The following PLXDC2 variants were observed in gnomAD, a reference collection of about 807,000 sequenced individuals.
PLXDC2 encodes the protein plexin domain containing 2.
A neutral mutation model predicts 68.9 loss-of-function variants in PLXDC2; 40 were observed. The ratio of observed to expected loss-of-function variants is 0.58; its 90% CI spans 0.45 to 0.76. The LOEUF (loss-of-function observed/expected upper bound fraction) is 0.76, where lower values mean the gene tolerates loss of function less well. PLXDC2 is among the 30% of genes least tolerant of loss of function. The probability of loss-of-function intolerance (pLI) is 0.00; values close to 1 mark genes in which losing one functional copy is unlikely to be tolerated. For synonymous variants in PLXDC2, 243 were observed against 234.2 expected, an observed-to-expected ratio of 1.04 and a Z score of -0.34; for missense variants, 644 against 661.9, an observed-to-expected ratio of 0.97 and a Z score of 0.30.
At chr10:20,066,832 A>T (rs1836219925) in intron 3 of PLXDC2, among the ~76,000 whole-genome samples, 1 of 152,196 alleles carries the variant, frequency 6.6e-6, no homozygotes, top group African/African-American at 2.4e-5. Flanking sequence ...TCTACATTAA[A>T]AATTTGTGTA....
chr10:19,863,076 G>A lies in PLXDC2; in HGVS notation c.112+45885G>A, dbSNP rs533649246. Among the ~76,000 whole-genome samples the A allele has an allele frequency of 2.0e-5, 3 of 152,306 alleles. No homozygotes were observed. In the East Asian group the frequency reaches 5.8e-4, roughly 29 times the overall value. ...TTATTTTTAGAGGGTAAGAGGAGGT[G>A]ATTTTAATCTTTACCATGTAAAATG... On this transcript the variant is annotated intron_variant, in intron 1 of 13. Coordinates refer to ENST00000377252, the MANE Select transcript of PLXDC2 (RefSeq NM_032812.9).
chr10:19,993,168 T>C (rs1834778695), intron 1 of PLXDC2, among the ~76,000 whole-genome samples: 1 of 152,220 alleles, frequency 6.6e-6, no homozygotes, highest in Non-Finnish European at 1.5e-5. Context: ...AAAACAACTT[T>C]GTTTTATAAT....
At chr10:19,969,874 C>G (rs1350209986) in intron 1 of PLXDC2, among the ~76,000 whole-genome samples, 1 of 152,114 alleles carries the variant, frequency 6.6e-6, no homozygotes, top group Non-Finnish European at 1.5e-5. Context: ...AAAATAAATG[C>G]TATGTGAAAT....
chr10:20,212,431 C>A (rs1044108542), intron 10 of PLXDC2, among the ~76,000 whole-genome samples: 3 of 152,002 alleles, frequency 2.0e-5, no homozygotes, highest in Non-Finnish European at 4.4e-5. Context: ...AATTTTAACC[C>A]GTTTAAAAGC....
chr10:19,930,943 G>A (rs1033104424), intron 1 of PLXDC2, among the ~76,000 whole-genome samples: 3 of 152,242 alleles, frequency 2.0e-5, no homozygotes, highest in South Asian at 2.1e-4. Context: ...CAGCCTGGGC[G>A]ACAGAGAGAG....
At chr10:20,194,985 C>T (rs1307164149) in intron 9 of PLXDC2, among the ~76,000 whole-genome samples, 1 of 151,826 alleles carries the variant, frequency 6.6e-6, no homozygotes. Flanking sequence ...TTTAAGTGGG[C>T]TCATAGTGCT....
At chr10:20,258,736 G>A (rs1426341195) in intron 13 of PLXDC2, among the ~76,000 whole-genome samples, 2 of 152,198 alleles carry the variant, frequency 1.3e-5, no homozygotes, top group East Asian at 1.9e-4. Context: ...GGCCGGGTGC[G>A]GTGGCTCACG....
chr10:19,963,309 G>A (rs923048524), intron 1 of PLXDC2, among the ~76,000 whole-genome samples: 3 of 152,106 alleles, frequency 2.0e-5, no homozygotes, highest in Non-Finnish European at 2.9e-5. Context: ...ATTTTGGGGA[G>A]GGCATGATGG....
chr10:19,989,308 C>T lies in PLXDC2; in HGVS notation c.113-12467C>T, dbSNP rs183637456. 2.3e-3 allele frequency among the ~76,000 whole-genome samples: 346 copies of T among 152,242 alleles called. 2 individuals carry two copies. Among genetic ancestry groups the T allele is most frequent in the Admixed American group, 2.9e-3 (44 of 15,296 alleles). On this transcript the variant is annotated intron_variant, in intron 1 of 13. Coordinates refer to ENST00000377252, the MANE Select transcript of PLXDC2 (RefSeq NM_032812.9). ...TGTGTAAACTGATACAGGCTGAGTG[C>T]ATTAGCATACAGATTCTACTCATAA...
intron 1 of PLXDC2, among the ~76,000 whole-genome samples, chr10:19,847,845 A>G (rs1261618768): frequency 2.0e-5 from 3 of 152,218 alleles, no homozygotes; most frequent in Non-Finnish European, 2.9e-5. Context: ...TTACAGTGAT[A>G]TACTGTACTG....
At position 19,941,978 on chromosome 10, in the gene PLXDC2, A is replaced by G. The variant is rs575427256; in HGVS notation, c.113-59797A>G. Among the ~76,000 whole-genome samples the G allele has an allele frequency of 8.2e-3, 1,248 of 152,008 alleles. 22 individuals are homozygous for G. The highest frequency in any genetic ancestry group is 0.029 in the African/African-American group (1,183 of 41,478). On this transcript the variant is annotated intron_variant, in intron 1 of 13. Transcript: ENST00000377252. ...TTCCAGCCTTTGACATTTAGAGAAAAAAAAAAAAAAAAGAACTTTGGTTTT... is the reference window on the plus strand; with the variant it reads ...TTCCAGCCTTTGACATTTAGAGAAAGAAAAAAAAAAAAGAACTTTGGTTTT...
intron 2 of PLXDC2, among the ~76,000 whole-genome samples, chr10:20,012,302 T>C (rs1835128907): frequency 1.2e-5 from 1 of 80,394 alleles, no homozygotes; most frequent in Non-Finnish European, 2.2e-5. Flanking sequence ...TCTCTCTCTC[T>C]CTTTTTTATT....
chr10:19,827,488 C>T (rs184240031), intron 1 of PLXDC2, among the ~76,000 whole-genome samples: 18 of 152,130 alleles, frequency 1.2e-4, no homozygotes, highest in East Asian at 3.9e-4. Flanking sequence ...TGGGAGACTA[C>T]GTAATTTCTT....
chr10:20,238,572 G>A (rs563547175), intron 12 of PLXDC2, among the ~76,000 whole-genome samples: 110 of 149,478 alleles, frequency 7.4e-4, no homozygotes, highest in African/African-American at 2.6e-3. Context: ...ACCTGAATCC[G>A]GGAGGCAGAG....
intron 1 of PLXDC2, among the ~76,000 whole-genome samples, chr10:19,856,720 A>T (rs931885733): frequency 6.6e-6 from 1 of 152,232 alleles, no homozygotes; most frequent in South Asian, 2.1e-4. Flanking sequence ...GTTTCCAGAC[A>T]TGAATAAATG....
At chr10:19,820,606 A>G (rs1299136476) in intron 1 of PLXDC2, among the ~76,000 whole-genome samples, 2 of 149,548 alleles carry the variant, frequency 1.3e-5, no homozygotes, top group East Asian at 4.0e-4. Context: ...TGCAGTCCGC[A>G]GTCCGGCCTG....
At chr10:19,871,575 C>G (rs1837534206) in intron 1 of PLXDC2, among the ~76,000 whole-genome samples, 1 of 152,226 alleles carries the variant, frequency 6.6e-6, no homozygotes, top group South Asian at 2.1e-4. Context: ...TCCCATGAGT[C>G]TTTTCCTCTA....
At chr10:20,151,079 G>A (rs1013086032) in intron 6 of PLXDC2, among the ~76,000 whole-genome samples, 4 of 151,908 alleles carry the variant, frequency 2.6e-5, no homozygotes, top group South Asian at 4.2e-4. Context: ...CTTTGTTCTC[G>A]ATACAAAGCA....
intron 12 of PLXDC2, among the ~76,000 whole-genome samples, chr10:20,225,843 G>A (rs1835279170): frequency 6.6e-6 from 1 of 152,038 alleles, no homozygotes; most frequent in Admixed American, 6.6e-5. Context: ...TTATTCCAGT[G>A]TTAAGTTGAT....
Sources: gnomAD v4.1 joint callset for allele counts (sites outside exome capture counted in the v4.1 genomes callset) on GRCh38, gnomAD v4.1.1 for gene constraint, MANE v1.5 for transcripts, NCBI Gene and HGNC (gene_info 2026-07-23, HGNC 2026-07-21) for gene names.